WDTC1: variants seen among roughly 807,000 people sequenced by gnomAD.
The protein encoded by WDTC1 is WD and tetratricopeptide repeats protein 1.
WDTC1 carries 12 observed loss-of-function variants against 76.0 expected under a neutral mutation model. The ratio of observed to expected loss-of-function variants is 0.16; its 90% CI spans 0.10 to 0.26. The LOEUF (loss-of-function observed/expected upper bound fraction) is 0.26. WDTC1 is among the 10% of genes least tolerant of loss of function. WDTC1 has a pLI of 1.00. For synonymous variants in WDTC1, 326 were observed against 350.8 expected (o/e 0.93, Z 0.79); for missense variants, 511 against 908.8 (o/e 0.56, Z 5.63).
rs1030225009 is a variant in WDTC1, at chr1:27,245,559, G to GT, written c.-100+10620dup. ...TAGAGAAAAGAAAGGGTTTTTTTTG[G>GT]TTTTTTTTTTTTGTTTGTTTGTATT... is the stretch of plus-strand genomic sequence containing the variant. On this transcript the variant is annotated intron_variant, in intron 1 of 15. Coordinates refer to ENST00000319394, the MANE Select transcript of WDTC1 (RefSeq NM_001276252.2). 4.9e-3 allele frequency among the ~76,000 whole-genome samples: 703 copies of GT among 143,678 alleles called. 12 individuals are homozygous for GT. Among genetic ancestry groups the GT allele is most frequent in the Admixed American group, 0.014 (203 of 14,322 alleles). 94.3% of individuals were successfully genotyped at this position (143,678 alleles called of 152,430 possible).
intron 5 of WDTC1, among the ~76,000 whole-genome samples, chr1:27,285,467 A>T (rs1445275894): frequency 2.0e-5 from 3 of 151,970 alleles, no homozygotes; most frequent in South Asian, 2.1e-4. Flanking sequence ...CAACACTACC[A>T]CTCAGCCTTG....
chr1:27,263,534 C>CT (rs2012555563), intron 3 of WDTC1, among the ~76,000 whole-genome samples: 1 of 152,110 alleles, frequency 6.6e-6, no homozygotes, highest in Non-Finnish European at 1.5e-5. Flanking sequence ...CCCGGGTTCA[C>CT]ACCATTCTCC....
intron 5 of WDTC1, among the ~76,000 whole-genome samples, chr1:27,286,600 G>T (rs2013346416): frequency 6.6e-6 from 1 of 150,514 alleles, no homozygotes; most frequent in South Asian, 2.1e-4. Context: ...CTCCCGAGTA[G>T]CTGGGACTAC....
At chr1:27,289,593 C>T (rs1488845416) in intron 6 of WDTC1, among the ~76,000 whole-genome samples, 5 of 152,222 alleles carry the variant, frequency 3.3e-5, no homozygotes. Context: ...GGCGGCCAGG[C>T]AGAGGCTGCA....
At chr1:27,281,081 G>C (rs2013173180) in intron 3 of WDTC1, among the ~76,000 whole-genome samples, 1 of 151,360 alleles carries the variant, frequency 6.6e-6, no homozygotes. Context: ...TTTGAATTAA[G>C]CTCTGGAAGA....
chr1:27,242,661 G>A (rs1213602034), intron 1 of WDTC1, among the ~76,000 whole-genome samples: 1 of 152,036 alleles, frequency 6.6e-6, no homozygotes, highest in Admixed American at 6.6e-5. Context: ...TAGAGACAGG[G>A]TTTCACCATG....
At chr1:27,275,847 A>G (rs1234271478) in intron 3 of WDTC1, among the ~76,000 whole-genome samples, 3 of 152,084 alleles carry the variant, frequency 2.0e-5, no homozygotes. Flanking sequence ...TAATTCCAGG[A>G]TGTTTTCATC....
intron 12 of WDTC1, among the ~76,000 whole-genome samples, chr1:27,298,994 A>T (rs2013764432): frequency 6.6e-6 from 1 of 152,214 alleles, no homozygotes; most frequent in South Asian, 2.1e-4. Flanking sequence ...TAGCTAAGGC[A>T]TCAGGAGTTG....
At chr1:27,239,826 A>C (rs1428749921) in intron 1 of WDTC1, among the ~76,000 whole-genome samples, 3 of 150,268 alleles carry the variant, frequency 2.0e-5, no homozygotes, top group South Asian at 2.1e-4. Flanking sequence ...AAAAAAAAAA[A>C]CCAAAAAAAC....
chr1:27,261,456 T>C (rs1041675505), intron 2 of WDTC1, among the ~76,000 whole-genome samples: 3 of 152,112 alleles, frequency 2.0e-5, no homozygotes, highest in African/African-American at 7.2e-5. Flanking sequence ...AGCTGCCAAG[T>C]TGTATATGTA....
At chr1:27,273,206 C>CTTTTTTTTT (rs57130485) in intron 3 of WDTC1, among the ~76,000 whole-genome samples, 2 of 103,666 alleles carry the variant, frequency 1.9e-5, no homozygotes, top group Non-Finnish European at 3.6e-5. Context: ...TTTTTCTTTT[C>CTTTTTTTTT]TTTTTTTTTT....
At position 27,287,800 on chromosome 1, in the gene WDTC1, A is replaced by G. The variant is rs370535910; in HGVS notation, c.418A>G (p.Ile140Val). The G allele has an allele frequency of 1.9e-6, 3 of 1,614,040 alleles. No homozygotes were observed. Among genetic ancestry groups the G allele is most frequent in the Non-Finnish European group, 2.5e-6 (3 of 1,179,980 alleles). The change falls in exon 6 of 16, where the codon ATC (isoleucine) becomes GTC (valine). Residue 140 changes from isoleucine (I) to valine (V), a missense_variant. Physicochemically the swap from Ile to Val is conservative, Grantham distance 29. Coordinates refer to ENST00000319394, the MANE Select transcript of WDTC1 (RefSeq NM_001276252.2). ...FGDHTNRVKRIATAPMWPNTF... is the reference protein window; with the variant it reads ...FGDHTNRVKRVATAPMWPNTF... Reference sequence around the variant, plus strand: ...AGACCACACAAACCGGGTGAAGCGCATCGCCACAGCGCCCATGTGGCCCAA... The same window carrying G: ...AGACCACACAAACCGGGTGAAGCGCGTCGCCACAGCGCCCATGTGGCCCAA...
intron 6 of WDTC1, among the ~76,000 whole-genome samples, chr1:27,288,961 C>T (rs1278758013): frequency 6.4e-5 from 9 of 141,300 alleles, no homozygotes; most frequent in African/African-American, 2.1e-4. Flanking sequence ...CCGGACGGGG[C>T]GGCTGGCCGG....
At chr1:27,259,703 C>T (rs1257418759) in intron 1 of WDTC1, among the ~76,000 whole-genome samples, 1 of 151,818 alleles carries the variant, frequency 6.6e-6, no homozygotes, top group Non-Finnish European at 1.5e-5. Context: ...AGTTGTATAA[C>T]ACAGGAACAG....
chr1:27,272,293 T>C (rs2012894966), intron 3 of WDTC1, among the ~76,000 whole-genome samples: 1 of 152,100 alleles, frequency 6.6e-6, no homozygotes, highest in Non-Finnish European at 1.5e-5. Context: ...TTTTGCTGTG[T>C]TGCCCAGGCT....
At chr1:27,269,119 G>T (rs2012772158) in intron 3 of WDTC1, among the ~76,000 whole-genome samples, 1 of 117,442 alleles carries the variant, frequency 8.5e-6, no homozygotes. Flanking sequence ...AGTCCAGAAA[G>T]AAGTTCAAGA....
intron 3 of WDTC1, among the ~76,000 whole-genome samples, chr1:27,277,470 T>TC (rs1254553557): frequency 6.6e-6 from 1 of 150,628 alleles, no homozygotes; most frequent in East Asian, 1.9e-4. Flanking sequence ...TTGACACTCT[T>TC]TTTTTTTTAA....
At chr1:27,242,626 C>T (rs939798634) in intron 1 of WDTC1, among the ~76,000 whole-genome samples, 5 of 152,084 alleles carry the variant, frequency 3.3e-5, no homozygotes, top group Admixed American at 1.3e-4. Flanking sequence ...TGCACCACCA[C>T]GCCTGGCTAA....
At position 27,305,118 on chromosome 1, in the gene WDTC1, G is replaced by A; in HGVS notation, c.1761G>A (p.Gln587=). The change falls in exon 15 of 16, where the codon CAG becomes CAA. Residue 587 remains glutamine (Q), a synonymous_variant. Coordinates refer to ENST00000319394, the MANE Select transcript of WDTC1 (RefSeq NM_001276252.2). This position sits in a 1 kb window ranked among gnomAD's most constrained non-coding sequence, Gnocchi z 4.6. Reference sequence around the variant, plus strand: ...ATGAGTCCATTGTCAACTGCCTGCAGCCACACCCCAGCTACTGCTTCCTGG... The same window carrying A: ...ATGAGTCCATTGTCAACTGCCTGCAACCACACCCCAGCTACTGCTTCCTGG... ...QGDESIVNCL[Q]PHPSYCFLAT... is the part of the protein sequence containing the mutation. 1 of 1,614,012 alleles carries A rather than the reference G, an allele frequency of 6.2e-7. No homozygotes were observed. The highest frequency in any genetic ancestry group is 8.5e-7 in the Non-Finnish European group (1 of 1,179,972).
Sources: gnomAD v4.1 joint callset for allele counts (sites outside exome capture counted in the v4.1 genomes callset) on GRCh38, gnomAD v4.1.1 for gene constraint, Gnocchi (gnomAD v3.1) non-coding constraint, MANE v1.5 for transcripts, NCBI Gene and HGNC (gene_info 2026-07-23, HGNC 2026-07-21) for gene names.